The following CHD6 variants were observed in gnomAD, a reference collection of about 807,000 sequenced individuals.
CHD6 encodes chromodomain helicase DNA binding protein 6.
Under a neutral mutation model 276.9 loss-of-function variants are expected in CHD6, and 50 were observed. The observed-to-expected ratio is 0.18, with a 90% confidence interval of 0.14 to 0.23. The LOEUF is 0.23. Ranked by LOEUF, CHD6 falls within the 10% of genes least tolerant of loss-of-function variation. CHD6 has a pLI of 1.00. For synonymous variants in CHD6, 1,173 were observed against 1,229.3 expected (o/e 0.95, Z 0.96); for missense variants, 2,564 against 3,365.8 (o/e 0.76, Z 5.89).
chr20:41,463,211 G>C (rs1827851944), intron 17 of CHD6, among the ~76,000 whole-genome samples: 1 of 152,040 alleles, frequency 6.6e-6, no homozygotes, highest in South Asian at 2.1e-4. Flanking sequence ...AAATAAATGG[G>C]AGAAAAAGGG....
At chr20:41,497,241 T>A (rs1158869855) in intron 8 of CHD6, 143 bp downstream of exon 8, 2 of 648,760 alleles carry the variant, frequency 3.1e-6, no homozygotes, top group South Asian at 3.6e-5. Flanking sequence ...TAGACTAGTT[T>A]TGTTGCAAAT....
In CHD6 at chr20:41,489,773, C is replaced by T. The variant is rs531002930; in HGVS notation, c.1680+5G>A. 3.1e-6 allele frequency: 5 copies of T among 1,613,890 alleles called. No individual in the cohort carries two copies. In the East Asian group the frequency reaches 1.1e-4, roughly 36 times the overall value. ...CCTGGGTCTCTGATCTCACGTGAGG[C>T]TCACCTGGGCGTCTCTGTACACCAT... On this transcript the variant is annotated splice_donor_5th_base_variant and intron_variant, in intron 12 of 36. Transcript: ENST00000373233.
intron 30 of CHD6, among the ~76,000 whole-genome samples, 186 bp downstream of exon 30, chr20:41,423,306 A>G (rs2047255825): frequency 6.6e-6 from 1 of 152,198 alleles, no homozygotes; most frequent in Non-Finnish European, 1.5e-5. Context: ...TCATTTTGGG[A>G]GAGAGATTTT....
chr20:41,522,253 G>A (rs2146013087), intron 3 of CHD6, among the ~76,000 whole-genome samples: 1 of 152,244 alleles, frequency 6.6e-6, no homozygotes, highest in South Asian at 2.1e-4. Context: ...GGCTGAGATG[G>A]GAGGATTGAT....
Position 41,404,216 on chromosome 20 carries a change from C to CT in CHD6, c.*376dup. 9.3e-7 allele frequency: 1 copy of CT among 1,072,290 alleles called. No homozygotes were observed. The highest frequency in any genetic ancestry group is 1.1e-6 in the Non-Finnish European group (1 of 884,750). 66.4% of individuals were successfully genotyped at this position (1,072,290 alleles called of 1,614,324 possible). ...ACAGAAAAAGAGCTCCTCTTTGTCTCTGTTCTTCCACCCTTCAATGGTAAA... is the reference window on the plus strand; with the variant it reads ...ACAGAAAAAGAGCTCCTCTTTGTCTCTTGTTCTTCCACCCTTCAATGGTAAA... On this transcript the variant is annotated 3_prime_UTR_variant, in exon 37 of 37. Coordinates refer to ENST00000373233, the MANE Select transcript of CHD6 (RefSeq NM_032221.5).
intron 1 of CHD6, among the ~76,000 whole-genome samples, chr20:41,561,216 G>T (rs535753526): frequency 6.6e-6 from 1 of 152,240 alleles, no homozygotes; most frequent in South Asian, 2.1e-4. Context: ...TACTATAGAA[G>T]ATGAAGTGTT....
chr20:41,525,616 A>G (rs1186275756), intron 3 of CHD6, among the ~76,000 whole-genome samples: 2 of 152,222 alleles, frequency 1.3e-5, no homozygotes, highest in Non-Finnish European at 2.9e-5. Flanking sequence ...TAAGATTTGG[A>G]TAAGAAGTGA....
At chr20:41,588,839 T>A (rs1446553789) in intron 1 of CHD6, among the ~76,000 whole-genome samples, 1 of 152,170 alleles carries the variant, frequency 6.6e-6, no homozygotes, top group African/African-American at 2.4e-5. Context: ...GGTCTAAAAT[T>A]ATTTTGTTGA....
intron 1 of CHD6, among the ~76,000 whole-genome samples, chr20:41,612,591 G>A (rs1365801571): frequency 6.6e-6 from 1 of 152,138 alleles, no homozygotes; most frequent in Non-Finnish European, 1.5e-5. Flanking sequence ...AATACACAAT[G>A]AGCTATAATA....
chr20:41,498,901 C>T (rs1299629229), intron 6 of CHD6, among the ~76,000 whole-genome samples: 1 of 151,526 alleles, frequency 6.6e-6, no homozygotes, highest in South Asian at 2.1e-4. Flanking sequence ...TCTTGAACTA[C>T]TGGGCTCAAG....
chr20:41,591,753 T>C (rs1405545892), intron 1 of CHD6, among the ~76,000 whole-genome samples: 1 of 151,802 alleles, frequency 6.6e-6, no homozygotes, highest in East Asian at 1.9e-4. Flanking sequence ...CATTCAAGGA[T>C]TTTCACAGAT....
intron 16 of CHD6, among the ~76,000 whole-genome samples, chr20:41,481,845 T>C (rs1163632757): frequency 6.6e-6 from 1 of 151,746 alleles, no homozygotes; most frequent in Non-Finnish European, 1.5e-5. Context: ...TCATAATATA[T>C]TAAATAAAAA....
intron 27 of CHD6, among the ~76,000 whole-genome samples, chr20:41,426,419 A>G (rs903737794): frequency 6.6e-6 from 1 of 152,144 alleles, no homozygotes; most frequent in African/African-American, 2.4e-5. Context: ...TTGAGCAATG[A>G]TGAACTGGCA....
intron 1 of CHD6, among the ~76,000 whole-genome samples, chr20:41,595,324 G>T (rs185746862): frequency 1.3e-5 from 2 of 152,302 alleles, no homozygotes; most frequent in Admixed American, 6.5e-5. Context: ...TAAGTCTGAA[G>T]CAAGTGTGGA....
chr20:41,565,651 A>AGTACAATAATTAGAT (rs149854832), intron 1 of CHD6, among the ~76,000 whole-genome samples: 52,867 of 151,786 alleles, frequency 0.35, 11,756 homozygotes, highest in African/African-American at 0.61. Flanking sequence ...TTGACTCCGA[A>AGTACAATAATTAGAT]GTACAATAAT....
chr20:41,450,998 C>A lies in CHD6; in HGVS notation c.3631G>T (p.Val1211Leu). 1 of 1,613,940 alleles carries A rather than the reference C, an allele frequency of 6.2e-7. No individual in the cohort carries two copies. Residue 1211 changes from valine (V) to leucine (L), a missense_variant, in exon 23 of 37, where the codon GTG becomes TTG. Val to Leu is a conservative substitution (Grantham distance 32). This residue lies in a region of CHD6 where 515 missense variants were observed against 739.5 expected (regional missense o/e 0.70). Coordinates refer to ENST00000373233, the MANE Select transcript of CHD6 (RefSeq NM_032221.5). ...ADWLATCNPEVVLHDDGYKKH... is the reference protein window; with the variant it reads ...ADWLATCNPELVLHDDGYKKH... The stretch of plus-strand genomic sequence containing the variant: ...TTATAGCCATCATCATGCAAGACCA[C>A]CTCGGGGTTGCAGGTGGCTAGCCAA...
chr20:41,591,379 TACACACAC>T (rs201725894), intron 1 of CHD6, among the ~76,000 whole-genome samples: 21 of 144,176 alleles, frequency 1.5e-4, no homozygotes, highest in African/African-American at 4.6e-4. Flanking sequence ...TATATATATA[TACACACAC>T]ACACACACAC....
intron 17 of CHD6, among the ~76,000 whole-genome samples, chr20:41,470,585 G>A (rs1431403782): frequency 6.6e-6 from 1 of 152,156 alleles, no homozygotes; most frequent in Non-Finnish European, 1.5e-5. Context: ...GGACTTCACT[G>A]CTATTCCTTA....
intron 5 of CHD6, among the ~76,000 whole-genome samples, chr20:41,508,330 A>G (rs1422143131): frequency 1.3e-5 from 2 of 152,214 alleles, no homozygotes; most frequent in African/African-American, 4.8e-5. Context: ...ATCTTTAAAA[A>G]AAAACACACA....
Sources: allele counts gnomAD v4.1 joint callset (sites outside exome capture counted in the v4.1 genomes callset), GRCh38; gene constraint gnomAD v4.1.1; regional missense constraint gnomAD v4.1.1; transcripts MANE v1.5; gene names NCBI Gene and HGNC (gene_info 2026-07-23, HGNC 2026-07-21).